The following WDR17 variants were observed in gnomAD, a reference collection of about 807,000 sequenced individuals.
WDR17 encodes the protein WD repeat-containing protein 17.
Under a neutral mutation model 161.7 loss-of-function variants are expected in WDR17, and 143 were observed. The observed-to-expected ratio is 0.88, with a 90% CI of 0.77 to 1.02. The LOEUF is 1.02. Ranked by LOEUF, WDR17 falls within the 50% of genes least tolerant of loss-of-function variation. WDR17 has a pLI of 0.00. For synonymous variants in WDR17, 517 were observed against 515.6 expected (o/e 1.00, Z -0.04); for missense variants, 1,469 against 1,520.9 (o/e 0.97, Z 0.57).
intron 4 of WDR17, among the ~76,000 whole-genome samples, chr4:176,121,903 C>T (rs545467061): frequency 1.3e-5 from 2 of 152,278 alleles, no homozygotes; most frequent in South Asian, 4.1e-4. Context: ...TTTTCAATAA[C>T]CCAATCTTCC....
intron 1 of WDR17, among the ~76,000 whole-genome samples, chr4:176,110,145 A>T (rs1247693484): frequency 1.3e-5 from 2 of 151,706 alleles, no homozygotes; most frequent in Non-Finnish European, 2.9e-5. Context: ...TTATTTATTT[A>T]TTTTTATTTT....
intron 1 of WDR17, chr4:176,096,701 T>G: frequency 1.4e-6 from 1 of 723,322 alleles, no homozygotes; most frequent in Non-Finnish European, 2.2e-6. Flanking sequence ...TGCAAAGTTC[T>G]GAGCGTGAAT....
chr4:176,067,064 T>G (rs532627768), intron 1 of WDR17, among the ~76,000 whole-genome samples: 2 of 152,342 alleles, frequency 1.3e-5, no homozygotes, highest in South Asian at 4.1e-4. Context: ...TTACCCTGCT[T>G]GCCAGGAGCT....
chr4:176,103,313 T>TAAATAA (rs1175160669), intron 1 of WDR17, among the ~76,000 whole-genome samples: 1 of 151,274 alleles, frequency 6.6e-6, no homozygotes, highest in Non-Finnish European at 1.5e-5. Flanking sequence ...ACAAAAACAA[T>TAAATAA]AAATAAAAAC....
rs1395625647 is a variant in WDR17 at position 176,150,104 on chromosome 4, A to G, written c.2109A>G (p.Arg703=). 6.2e-6 allele frequency: 10 copies of G among 1,613,942 alleles called. No individual in the cohort carries two copies. Among genetic ancestry groups the G allele is most frequent in the African/African-American group, 1.3e-5 (1 of 74,940 alleles). ...LLCGKVSRDI[R]QEIEKLTANS... Reference sequence around the variant, plus strand: ...GTGGTAAAGTGTCAAGAGATATTAGACAGGAAATAGAAAAACTAACTGCTA... The same window carrying G: ...GTGGTAAAGTGTCAAGAGATATTAGGCAGGAAATAGAAAAACTAACTGCTA... Residue 703 remains arginine (R), a synonymous_variant, in exon 15 of 29, where the codon AGA becomes AGG. Transcript: ENST00000508596.
chr4:176,146,897 T>A (rs537501382), intron 12 of WDR17, among the ~76,000 whole-genome samples: 1 of 151,726 alleles, frequency 6.6e-6, no homozygotes, highest in South Asian at 2.1e-4. Context: ...TGAGACAGTC[T>A]CACTGTGTCG....
intron 3 of WDR17, among the ~76,000 whole-genome samples, chr4:176,119,464 C>T (rs968248042): frequency 6.6e-6 from 1 of 152,144 alleles, no homozygotes; most frequent in African/African-American, 2.4e-5. Context: ...CCCTAACACA[C>T]ATTTAAAATT....
At position 176,106,234 on chromosome 4, in the gene WDR17, A is replaced by G. The variant is rs1579062107; in HGVS notation, c.-6-5341A>G. The stretch of plus-strand genomic sequence containing the variant: ...AACAGTGTCATACCAGCATAAAGGC[A>G]GTTATATAGACCAGTGGAATATAAT... On this transcript the variant is annotated intron_variant, in intron 1 of 28. Coordinates refer to ENST00000508596, the MANE Select transcript of WDR17 (RefSeq NM_181265.4). 2.0e-5 allele frequency among the ~76,000 whole-genome samples: 3 copies of G among 152,108 alleles called. No individual in the cohort carries two copies. The South Asian group carries it at 6.2e-4, about 32-fold the overall frequency.
intron 3 of WDR17, 21 bp from the exon 4 acceptor site, chr4:176,119,846 T>C: frequency 6.3e-7 from 1 of 1,593,980 alleles, no homozygotes; most frequent in Non-Finnish European, 8.6e-7. Flanking sequence ...TTATTATGTA[T>C]CTGTATTTAA....
intron 17 of WDR17, among the ~76,000 whole-genome samples, chr4:176,155,545 GTTTTTT>G (rs869207103): frequency 1.9e-5 from 2 of 105,248 alleles, no homozygotes; most frequent in East Asian, 5.0e-4. Flanking sequence ...ATTTGTTTGT[GTTTTTT>G]TTTTTTTTTT....
intron 16 of WDR17, among the ~76,000 whole-genome samples, chr4:176,151,404 C>T (rs1747089920): frequency 6.6e-6 from 1 of 152,128 alleles, no homozygotes; most frequent in South Asian, 2.1e-4. Flanking sequence ...CCCCCACACA[C>T]ACCCCAAAAT....
intron 7 of WDR17, among the ~76,000 whole-genome samples, chr4:176,133,481 T>C (rs1255979014): frequency 6.6e-6 from 1 of 150,926 alleles, no homozygotes; most frequent in East Asian, 1.9e-4. Flanking sequence ...AAGTATGTTT[T>C]ACTTAAAATC....
At chr4:176,156,043 TTAA>T (rs1748073312) in intron 17 of WDR17, 33 bp from the exon 18 acceptor site, 1 of 1,606,550 alleles carries the variant, frequency 6.2e-7, no homozygotes, top group South Asian at 1.1e-5. Flanking sequence ...GCAACCAAAA[TTAA>T]TATGCTCCTG....
Position 176,163,299 on chromosome 4 carries a change from A to T in WDR17, c.2990+6A>T. ...TGCATGATGATTTCAGTATGGTAAG[A>T]ATTTTGAAATTCAAAGAATAATTTC... On this transcript the variant is annotated splice_donor_region_variant and intron_variant, in intron 22 of 28. Transcript: ENST00000508596. 6.3e-7 allele frequency: 1 copy of T among 1,587,904 alleles called. No homozygotes were observed. Among genetic ancestry groups the T allele is most frequent in the Non-Finnish European group, 8.5e-7 (1 of 1,171,876 alleles).
chr4:176,082,076 C>T (rs566175796), intron 1 of WDR17, among the ~76,000 whole-genome samples: 1 of 151,560 alleles, frequency 6.6e-6, no homozygotes, highest in African/African-American at 2.4e-5. Flanking sequence ...TTGTTTACTT[C>T]TTGTTTATCT....
intron 5 of WDR17, among the ~76,000 whole-genome samples, chr4:176,127,363 G>A (rs1742617885): frequency 6.6e-6 from 1 of 151,620 alleles, no homozygotes; most frequent in East Asian, 1.9e-4. Context: ...TGCAATCTTG[G>A]CTCACTGCAA....
intron 11 of WDR17, among the ~76,000 whole-genome samples, chr4:176,142,876 CTG>C (rs1048275084): frequency 1.3e-5 from 2 of 152,094 alleles, no homozygotes; most frequent in Non-Finnish European, 2.9e-5. Context: ...GTAAAAAACA[CTG>C]TTTTTTGTGG....
intron 22 of WDR17, among the ~76,000 whole-genome samples, chr4:176,163,512 C>G (rs955162940): frequency 6.6e-6 from 1 of 151,990 alleles, no homozygotes; most frequent in African/African-American, 2.4e-5. Flanking sequence ...CTGAAGTAGC[C>G]CAGTTGTAAT....
chr4:176,079,057 C>T (rs981278952), intron 1 of WDR17, among the ~76,000 whole-genome samples: 1 of 152,050 alleles, frequency 6.6e-6, no homozygotes, highest in South Asian at 2.1e-4. Context: ...TTCTCATAAG[C>T]AGCATTCTAC....
Sources: allele counts gnomAD v4.1 joint callset (sites outside exome capture counted in the v4.1 genomes callset), GRCh38; gene constraint gnomAD v4.1.1; transcripts MANE v1.5; gene names NCBI Gene and HGNC (gene_info 2026-07-23, HGNC 2026-07-21).